The following TMEM63C variants were observed in gnomAD, a reference collection of about 807,000 sequenced individuals.
TMEM63C encodes osmosensitive cation channel TMEM63C.
A neutral mutation model predicts 99.2 loss-of-function variants in TMEM63C; 32 were observed. That is an observed-to-expected ratio of 0.32 (90% CI 0.24 to 0.43). The LOEUF (loss-of-function observed/expected upper bound fraction) is 0.43, where lower values mean the gene tolerates loss of function less well. Among genes scored for constraint, TMEM63C ranks in the 20% least tolerant of loss-of-function variants. TMEM63C has a pLI of 1.00. For missense variants in TMEM63C, 826 were observed against 1,053.0 expected, an observed-to-expected ratio of 0.78 and a Z score of 2.98; for synonymous variants, 376 against 397.9, an observed-to-expected ratio of 0.94 and a Z score of 0.66.
At chr14:77,185,411 A>G (rs1012403828) in intron 1 of TMEM63C, among the ~76,000 whole-genome samples, 20 of 152,172 alleles carry the variant, frequency 1.3e-4, no homozygotes, top group African/African-American at 4.1e-4. Context: ...TGGAGGCAGA[A>G]GCCTTCTCCT....
rs180758756 is a variant in TMEM63C, at chr14:77,248,372, G to A, written c.1627G>A (p.Ala543Thr). Residue 543 changes from alanine (A) to threonine (T), a missense_variant, in exon 19 of 24, where the codon GCC becomes ACC. Physicochemically the swap from Ala to Thr is moderately conservative, Grantham distance 58. Coordinates refer to ENST00000298351, the MANE Select transcript of TMEM63C (RefSeq NM_020431.4). The part of the protein sequence containing the change: ...FQCVFLPDNG[A>T]FFVNYVITAA... ...GTGTGTGTTCCTGCCAGACAACGGC[G>A]CCTTCTTTGTCAACTACGTGATCAC... 5.6e-6 allele frequency: 9 copies of A among 1,611,296 alleles called. No individual in the cohort carries two copies. The highest frequency in any genetic ancestry group is 1.7e-5 in the Admixed American group (1 of 59,696).
chr14:77,218,361 T>C (rs1888630167), intron 2 of TMEM63C, among the ~76,000 whole-genome samples: 1 of 152,172 alleles, frequency 6.6e-6, no homozygotes, highest in Admixed American at 6.5e-5. Flanking sequence ...ATGATTGTCA[T>C]TGAGCCCCGT....
intron 6 of TMEM63C, among the ~76,000 whole-genome samples, chr14:77,229,924 G>A (rs1888905328): frequency 6.6e-6 from 1 of 151,904 alleles, no homozygotes; most frequent in African/African-American, 2.4e-5. Flanking sequence ...GCTCGGCCCG[G>A]CATGGTGGCT....
At chr14:77,227,980 C>T (rs1407856918) in intron 6 of TMEM63C, among the ~76,000 whole-genome samples, 2 of 152,076 alleles carry the variant, frequency 1.3e-5, no homozygotes, top group African/African-American at 4.8e-5. Context: ...AACCAACAAG[C>T]ACTTGAGCCT....
intron 9 of TMEM63C, among the ~76,000 whole-genome samples, chr14:77,237,904 G>A (rs771945661): frequency 5.9e-5 from 9 of 152,156 alleles, no homozygotes; most frequent in South Asian, 2.1e-4. Flanking sequence ...CTTCCAGGCC[G>A]TCCATTCAAA....
At chr14:77,241,328 G>C (rs1032586675) in intron 13 of TMEM63C, among the ~76,000 whole-genome samples, 4 of 152,080 alleles carry the variant, frequency 2.6e-5, no homozygotes, top group Admixed American at 2.6e-4. Context: ...CCTGCCGCAG[G>C]CCTCCCCTAA....
chr14:77,182,980 T>C (rs2540897), intron 1 of TMEM63C, among the ~76,000 whole-genome samples: 151,782 of 152,226 alleles, frequency 1, 75,670 homozygotes, highest in Middle Eastern at 1. Context: ...GTTATCACCT[T>C]ATCCTTGTTC....
In TMEM63C at chr14:77,218,813, G is replaced by C. The variant is rs1888638283; in HGVS notation, c.-1G>C. ...CTCTGTTTCCCAGGGATCCTCCCAGGATGTCTGCCTCACCAGACGACCTGA... is the reference window on the plus strand; with the variant it reads ...CTCTGTTTCCCAGGGATCCTCCCAGCATGTCTGCCTCACCAGACGACCTGA... On this transcript the variant is annotated 5_prime_UTR_variant, in exon 3 of 24. Coordinates refer to ENST00000298351, the MANE Select transcript of TMEM63C (RefSeq NM_020431.4). The C allele has an allele frequency of 1.9e-6, 3 of 1,613,036 alleles. No individual in the cohort carries two copies. The South Asian group carries it at 3.3e-5, about 18-fold the overall frequency.
chr14:77,186,451 C>T (rs925606625), intron 1 of TMEM63C, among the ~76,000 whole-genome samples: 2 of 152,192 alleles, frequency 1.3e-5, no homozygotes, highest in Admixed American at 6.5e-5. Context: ...TGCCTATAAT[C>T]CCAGCACTTT....
chr14:77,204,388 AC>A (rs1888360730), intron 1 of TMEM63C, among the ~76,000 whole-genome samples: 4 of 152,192 alleles, frequency 2.6e-5, no homozygotes. Flanking sequence ...GGAAATGCTC[AC>A]CAGCAGCTCC....
At chr14:77,182,902 C>T (rs1887938008) in intron 1 of TMEM63C, among the ~76,000 whole-genome samples, 1 of 152,154 alleles carries the variant, frequency 6.6e-6, no homozygotes, top group Non-Finnish European at 1.5e-5. Context: ...TCTCCTTCAA[C>T]AGCCTGCAGC....
rs140459519 is a variant in TMEM63C, at chr14:77,248,052, A to G, written c.1602-295A>G. ...CCGAGTCTTTGGACCTGGCTCAGAC[A>G]CCCTTGCTTTGGATCAAGCCAATGC... On this transcript the variant is annotated intron_variant, in intron 18 of 23. Transcript: ENST00000298351. Among the ~76,000 whole-genome samples, 3 of 152,208 alleles carry G rather than the reference A, an allele frequency of 2.0e-5. No homozygotes were observed. The East Asian group carries it at 5.8e-4, about 29-fold the overall frequency.
At chr14:77,220,919 CCTCCTCT>C (rs1888686903) in intron 5 of TMEM63C, among the ~76,000 whole-genome samples, 1 of 42,282 alleles carries the variant, frequency 2.4e-5, no homozygotes, top group South Asian at 7.5e-4. Context: ...CCCACTCACG[CCTCCTCT>C]CCCACCCACG....
At chr14:77,220,693 G>A (rs1888676360) in intron 5 of TMEM63C, among the ~76,000 whole-genome samples, 1 of 152,114 alleles carries the variant, frequency 6.6e-6, no homozygotes, top group African/African-American at 2.4e-5. Context: ...AGGCATGGTG[G>A]AGAACGCCAC....
In TMEM63C at chr14:77,242,964, C is replaced by G. The variant is rs1369455860; in HGVS notation, c.1249C>G (p.Leu417Val). Residue 417 changes from leucine (L) to valine (V), a missense_variant, in exon 15 of 24, where the codon CTC becomes GTC. Leu to Val is a conservative substitution (Grantham distance 32). Transcript: ENST00000298351. Reference protein sequence around the residue: ...WARFIAINTFLFFLFFFLTTP... With the variant: ...WARFIAINTFVFFLFFFLTTP... ...CCGCTTTATCGCAATCAACACCTTC[C>G]TCTTCTTCCTCTTCTTCTTTCTCAC... 5 of 1,614,046 alleles carry G rather than the reference C, an allele frequency of 3.1e-6. No homozygotes were observed. The highest frequency in any genetic ancestry group is 4.2e-6 in the Non-Finnish European group (5 of 1,179,902).
chr14:77,243,158 GC>G, intron 15 of TMEM63C, 102 bp downstream of exon 15: 2 of 1,376,172 alleles, frequency 1.5e-6, no homozygotes, highest in Non-Finnish European at 2.0e-6. Flanking sequence ...GGGCTGTGGA[GC>G]CCATACAGTG....
At chr14:77,199,078 TAAAA>T (rs1327066013) in intron 1 of TMEM63C, among the ~76,000 whole-genome samples, 1 of 151,736 alleles carries the variant, frequency 6.6e-6, no homozygotes, top group Non-Finnish European at 1.5e-5. Context: ...ATGGGGGAAA[TAAAA>T]AACACAGAGA....
At chr14:77,249,266 GT>G in intron 20 of TMEM63C, 24 bp from the exon 21 acceptor site, 1 of 1,611,910 alleles carries the variant, frequency 6.2e-7, no homozygotes, top group Non-Finnish European at 8.5e-7. Flanking sequence ...GGGCCACTGA[GT>G]AAGTTTCCAC....
chr14:77,193,638 C>A (rs1288544138), intron 1 of TMEM63C, among the ~76,000 whole-genome samples: 1 of 152,106 alleles, frequency 6.6e-6, no homozygotes, highest in Non-Finnish European at 1.5e-5. Context: ...AGTTTGAGAG[C>A]AGCCTGACCA....
Sources: allele counts gnomAD v4.1 joint callset (sites outside exome capture counted in the v4.1 genomes callset), GRCh38; gene constraint gnomAD v4.1.1; transcripts MANE v1.5; gene names NCBI Gene and HGNC (gene_info 2026-07-23, HGNC 2026-07-21).